Variants in VWA8 observed in about 807,000 individuals in gnomAD.
VWA8 encodes von Willebrand factor A domain-containing protein 8.
A neutral mutation model predicts 241.5 loss-of-function variants in VWA8; 221 were observed. The observed-to-expected ratio is 0.91, with a 90% confidence interval of 0.82 to 1.02. The LOEUF (loss-of-function observed/expected upper bound fraction) is 1.02. Among genes scored for constraint, VWA8 ranks in the 50% least tolerant of loss-of-function variants. The probability of loss-of-function intolerance (pLI) is 0.00; values close to 1 mark genes in which losing one functional copy is unlikely to be tolerated. For missense variants in VWA8, 2,322 were observed against 2,328.7 expected (o/e 1.00, Z 0.06); for synonymous variants, 852 against 827.1 (o/e 1.03, Z -0.52).
intron 12 of VWA8, among the ~76,000 whole-genome samples, chr13:41,841,858 T>TATATATATATATAA (rs1566478201): frequency 1.5e-5 from 1 of 65,608 alleles, no homozygotes; most frequent in Non-Finnish European, 2.7e-5. Flanking sequence ...TATATATATA[T>TATATATATATATAA]AAAAACAGTA....
intron 12 of VWA8, among the ~76,000 whole-genome samples, chr13:41,841,938 C>T (rs1872076647): frequency 7.1e-6 from 1 of 140,728 alleles, no homozygotes; most frequent in Non-Finnish European, 1.5e-5. Flanking sequence ...AGGAAACTAG[C>T]TGAATTTCTG....
At position 41,901,994 on chromosome 13, in the gene VWA8, CAA is replaced by C. The variant is rs1202960006; in HGVS notation, c.483+5590_483+5591del. Among the ~76,000 whole-genome samples, 5 of 144,572 alleles carry C rather than the reference CAA, an allele frequency of 3.5e-5. No homozygotes were observed. The Admixed American group carries it at 3.5e-4, about 10-fold the overall frequency. 94.8% of individuals were successfully genotyped at this position (144,572 alleles called of 152,430 possible). Reference sequence around the variant, plus strand: ...AGTATGATAGCAACATAACAACGAGCAAACACTTGAGTTCTAACACAGAGGCC... The same window carrying C: ...AGTATGATAGCAACATAACAACGAGCACACTTGAGTTCTAACACAGAGGCC... On this transcript the variant is annotated intron_variant, in intron 4 of 44. Transcript: ENST00000379310.
chr13:41,881,519 C>CA (rs1386530892), intron 9 of VWA8, among the ~76,000 whole-genome samples: 5 of 62 alleles, frequency 0.081, no homozygotes, highest in Non-Finnish European at 0.15. Context: ...CCACCTTTCC[C>CA]CCCTTCTGTT....
intron 4 of VWA8, among the ~76,000 whole-genome samples, chr13:41,899,531 G>A (rs955437055): frequency 2.0e-5 from 3 of 152,086 alleles, no homozygotes; most frequent in Non-Finnish European, 4.4e-5. Context: ...ATGCTCTTTG[G>A]AAACAAAATC....
chr13:41,781,741 C>G (rs1022792461), intron 19 of VWA8, among the ~76,000 whole-genome samples: 2 of 152,188 alleles, frequency 1.3e-5, no homozygotes, highest in African/African-American at 4.8e-5. Flanking sequence ...TACTCTTTAT[C>G]AAGAACATTC....
chr13:41,940,314 C>G (rs1048879473), intron 2 of VWA8, among the ~76,000 whole-genome samples: 4 of 151,974 alleles, frequency 2.6e-5, no homozygotes, highest in Admixed American at 2.6e-4. Context: ...AAGCAATAAT[C>G]TTTTTAGAAT....
intron 2 of VWA8, among the ~76,000 whole-genome samples, chr13:41,937,219 T>C (rs1344574720): frequency 6.6e-6 from 1 of 152,072 alleles, no homozygotes; most frequent in Admixed American, 6.6e-5. Context: ...GGGAGGGAAA[T>C]GGTTTCAGGA....
intron 20 of VWA8, among the ~76,000 whole-genome samples, chr13:41,762,879 T>C (rs925697589): frequency 2.0e-5 from 3 of 152,002 alleles, no homozygotes; most frequent in Admixed American, 6.6e-5. Flanking sequence ...AATAAACGAA[T>C]ATAGGGCGTT....
At chr13:41,862,706 C>T (rs1873059126) in intron 12 of VWA8, among the ~76,000 whole-genome samples, 1 of 152,080 alleles carries the variant, frequency 6.6e-6, no homozygotes, top group Non-Finnish European at 1.5e-5. Flanking sequence ...CAGAGAAATG[C>T]AAATCAAAAC....
At chr13:41,671,555 C>T (rs932261750) in intron 36 of VWA8, among the ~76,000 whole-genome samples, 9 of 151,948 alleles carry the variant, frequency 5.9e-5, no homozygotes, top group African/African-American at 2.4e-5. Flanking sequence ...TCCCCCCGCC[C>T]GCCAAATTCA....
At chr13:41,812,325 T>A (rs752852194) in intron 16 of VWA8, among the ~76,000 whole-genome samples, 2 of 152,076 alleles carry the variant, frequency 1.3e-5, no homozygotes, top group Non-Finnish European at 2.9e-5. Flanking sequence ...CTGGCCTAAT[T>A]CCTAACTTAG....
At chr13:41,879,412 CACACCT>C (rs1441186907) in intron 9 of VWA8, among the ~76,000 whole-genome samples, 2 of 149,416 alleles carry the variant, frequency 1.3e-5, no homozygotes, top group African/African-American at 4.9e-5. Flanking sequence ...CACACACACA[CACACCT>C]TTCTTCTCTT....
chr13:41,926,091 G>A (rs1196213606), intron 2 of VWA8: 1 of 498,310 alleles, frequency 2.0e-6, no homozygotes, highest in African/African-American at 2.0e-5. Context: ...TTATAAATCA[G>A]AAGAATTTAT....
At chr13:41,948,557 A>G (rs1877970591) in intron 2 of VWA8, among the ~76,000 whole-genome samples, 1 of 152,176 alleles carries the variant, frequency 6.6e-6, no homozygotes, top group Admixed American at 6.5e-5. Flanking sequence ...AAAAACCATG[A>G]TGAGTTACTT....
At chr13:41,659,696 A>C (rs1338876672) in intron 37 of VWA8, among the ~76,000 whole-genome samples, 1 of 152,180 alleles carries the variant, frequency 6.6e-6, no homozygotes, top group East Asian at 1.9e-4. Flanking sequence ...TCTCAACATA[A>C]ATACAGAAAT....
At position 41,699,085 on chromosome 13, in the gene VWA8, G is replaced by A; in HGVS notation, c.3550C>T (p.Leu1184Phe). Residue 1184 changes from leucine (L) to phenylalanine (F), a missense_variant, in exon 29 of 45, where the codon CTC (leucine) becomes TTC (phenylalanine). Coordinates refer to ENST00000379310, the MANE Select transcript of VWA8 (RefSeq NM_015058.2). ...GTGTGCATTACCTGCTGCTCATGGA[G>A]AACCACTTGACCTTTGAGAGGACTT... The part of the protein sequence containing the change: ...LGSPLKGQVV[L>F]HEQQSNVILL... The A allele has an allele frequency of 1.9e-6, 3 of 1,613,916 alleles. No individual in the cohort carries two copies. The highest frequency in any genetic ancestry group is 2.5e-6 in the Non-Finnish European group (3 of 1,179,882).
chr13:41,634,027 T>C (rs2044741664), intron 37 of VWA8, among the ~76,000 whole-genome samples: 1 of 152,180 alleles, frequency 6.6e-6, no homozygotes, highest in African/African-American at 2.4e-5. Flanking sequence ...TAGCAGTGCC[T>C]GTCTTGGGAG....
chr13:41,856,372 A>T (rs1872751042), intron 12 of VWA8, among the ~76,000 whole-genome samples: 1 of 152,190 alleles, frequency 6.6e-6, no homozygotes. Context: ...AATATTCACA[A>T]GAAGACTAGA....
intron 43 of VWA8, among the ~76,000 whole-genome samples, chr13:41,574,151 C>A (rs2044334851): frequency 7.2e-6 from 1 of 139,162 alleles, no homozygotes; most frequent in African/African-American, 2.8e-5. Flanking sequence ...AAACAAAAAT[C>A]AACATTAAAG....
Sources: gnomAD v4.1 joint callset for allele counts (sites outside exome capture counted in the v4.1 genomes callset) on GRCh38, gnomAD v4.1.1 for gene constraint, MANE v1.5 for transcripts, NCBI Gene and HGNC (gene_info 2026-07-23, HGNC 2026-07-21) for gene names.